The following CNTNAP5 variants were observed in gnomAD, a reference collection of about 807,000 sequenced individuals.
CNTNAP5 encodes the protein contactin-associated protein-like 5.
A neutral mutation model predicts 150.2 loss-of-function variants in CNTNAP5; 72 were observed. The observed-to-expected ratio is 0.48, with a 90% CI of 0.40 to 0.58. The LOEUF (loss-of-function observed/expected upper bound fraction) is 0.58. Ranked by LOEUF, CNTNAP5 falls within the 20% of genes least tolerant of loss-of-function variation. The probability of loss-of-function intolerance (pLI) is 0.00; values close to 1 mark genes in which losing one functional copy is unlikely to be tolerated. For missense variants in CNTNAP5, 1,636 were observed against 1,626.2 expected (o/e 1.01, Z -0.10); for synonymous variants, 672 against 619.8 (o/e 1.08, Z -1.25).
chr2:124,176,842 G>GTTTTTTTTT lies in CNTNAP5; in HGVS notation c.83-44851_83-44843dup, dbSNP rs71394026. On this transcript the variant is annotated intron_variant, in intron 1 of 23. Coordinates refer to ENST00000682447, the MANE Select transcript of CNTNAP5 (RefSeq NM_001367498.1). Reference sequence around the variant, plus strand: ...TCAGATAATGTCTTTGTTATTGCTGGTTTTTTTTTTTTTTTTTTTTACATG... The same window carrying GTTTTTTTTT: ...TCAGATAATGTCTTTGTTATTGCTGGTTTTTTTTTTTTTTTTTTTTTTTTTTTTTACATG... Among the ~76,000 whole-genome samples, 374 of 119,868 alleles carry GTTTTTTTTT rather than the reference G, an allele frequency of 3.1e-3. 18 individuals carry two copies. Among genetic ancestry groups the GTTTTTTTTT allele is most frequent in the Middle Eastern group, 9.9e-3 (2 of 202 alleles). The allele number at this position is 119,868 out of a possible 152,430, so 78.6% of individuals were successfully genotyped here.
chr2:124,862,399 C>T (rs1677544914), intron 19 of CNTNAP5, among the ~76,000 whole-genome samples: 2 of 152,186 alleles, frequency 1.3e-5, no homozygotes. Flanking sequence ...TGACAATTCA[C>T]TGTCTGTGGA....
rs1678760264 is a variant in CNTNAP5 at position 124,915,976 on chromosome 2, T to C, written c.*1688T>C. ...ACAATGACCACAGCTCTATTTGCCA[T>C]CCTTGACAGTTAGCAGACATTCCAA... On this transcript the variant is annotated 3_prime_UTR_variant, in exon 24 of 24. Transcript: ENST00000682447. Among the ~76,000 whole-genome samples the C allele has an allele frequency of 6.6e-6, 1 of 152,084 alleles. No individual in the cohort carries two copies. The highest frequency in any genetic ancestry group is 1.5e-5 in the Non-Finnish European group (1 of 67,980).
intron 5 of CNTNAP5, among the ~76,000 whole-genome samples, chr2:124,443,456 T>C (rs2104803015): frequency 6.6e-6 from 1 of 151,890 alleles, no homozygotes; most frequent in Middle Eastern, 3.4e-3. Flanking sequence ...ATTAAATGAG[T>C]AGAAATAAAG....
At chr2:124,512,674 C>T (rs746815161) in intron 8 of CNTNAP5, among the ~76,000 whole-genome samples, 92 of 152,216 alleles carry the variant, frequency 6.0e-4, no homozygotes, top group African/African-American at 2.0e-3. Context: ...TTCACTCTTT[C>T]GATAATTCCT....
intron 1 of CNTNAP5, among the ~76,000 whole-genome samples, chr2:124,076,185 T>A (rs191719899): frequency 7.2e-5 from 11 of 152,274 alleles, no homozygotes; most frequent in Non-Finnish European, 1.2e-4. Context: ...AGATTGAATC[T>A]CAAACCCTGA....
intron 13 of CNTNAP5, among the ~76,000 whole-genome samples, chr2:124,722,545 C>T (rs1376977421): frequency 6.6e-6 from 1 of 152,160 alleles, no homozygotes; most frequent in African/African-American, 2.4e-5. Context: ...TTCTTTTTGG[C>T]TTCATGCTCA....
At chr2:124,642,740 A>G (rs1678119395) in intron 12 of CNTNAP5, among the ~76,000 whole-genome samples, 1 of 152,228 alleles carries the variant, frequency 6.6e-6, no homozygotes, top group African/African-American at 2.4e-5. Flanking sequence ...GGAGAAGTTA[A>G]CATATTTTCC....
At chr2:124,445,898 G>C (rs1487948939) in intron 5 of CNTNAP5, among the ~76,000 whole-genome samples, 1 of 152,172 alleles carries the variant, frequency 6.6e-6, no homozygotes, top group Non-Finnish European at 1.5e-5. Flanking sequence ...GATATAAGCT[G>C]TAATCTTTTT....
chr2:124,563,976 G>A (rs10210893), intron 11 of CNTNAP5, among the ~76,000 whole-genome samples: 2,482 of 152,310 alleles, frequency 0.016, 66 homozygotes, highest in African/African-American at 0.056. Flanking sequence ...GTGCAATCTT[G>A]CCGTGGAATG....
At chr2:124,661,589 T>C (rs1342429611) in intron 13 of CNTNAP5, among the ~76,000 whole-genome samples, 1 of 151,914 alleles carries the variant, frequency 6.6e-6, no homozygotes, top group Non-Finnish European at 1.5e-5. Context: ...TAAGTAGAAA[T>C]GGTACACTCT....
intron 19 of CNTNAP5, among the ~76,000 whole-genome samples, chr2:124,848,163 A>G (rs1205115649): frequency 2.6e-5 from 4 of 152,088 alleles, no homozygotes; most frequent in African/African-American, 9.7e-5. Context: ...TGAAAATTTG[A>G]CCAACATCCT....
At chr2:124,367,099 A>G (rs1419882582) in intron 3 of CNTNAP5, among the ~76,000 whole-genome samples, 1 of 152,128 alleles carries the variant, frequency 6.6e-6, no homozygotes, top group East Asian at 1.9e-4. Context: ...GTTCAGAGTG[A>G]CCCTTAGTCT....
chr2:124,384,032 A>G (rs1217390096), intron 3 of CNTNAP5, among the ~76,000 whole-genome samples: 1 of 152,122 alleles, frequency 6.6e-6, no homozygotes, highest in Non-Finnish European at 1.5e-5. Context: ...TTATTGCCCC[A>G]TTAATCCGTG....
chr2:124,405,043 G>A (rs915072924), intron 3 of CNTNAP5, among the ~76,000 whole-genome samples: 13 of 151,948 alleles, frequency 8.6e-5, no homozygotes, highest in South Asian at 2.1e-4. Flanking sequence ...TGGGGGTGGC[G>A]GGTGGGGGCG....
chr2:124,517,059 G>A (rs1694735324), intron 8 of CNTNAP5, among the ~76,000 whole-genome samples: 1 of 152,178 alleles, frequency 6.6e-6, no homozygotes, highest in South Asian at 2.1e-4. Flanking sequence ...TGTAGTGTTG[G>A]TGATAGGGTT....
chr2:124,238,679 A>G (rs1686810581), intron 2 of CNTNAP5, among the ~76,000 whole-genome samples: 1 of 152,200 alleles, frequency 6.6e-6, no homozygotes, highest in South Asian at 2.1e-4. Context: ...AATTACAGAC[A>G]GCATTGCCTC....
In CNTNAP5 at chr2:124,039,073, A is replaced by G. The variant is rs114721927; in HGVS notation, c.82+13341A>G. Among the ~76,000 whole-genome samples the G allele has an allele frequency of 3.3e-3, 497 of 152,328 alleles. 3 individuals carry two copies. The highest frequency in any genetic ancestry group is 0.012 in the African/African-American group (480 of 41,576). On this transcript the variant is annotated intron_variant, in intron 1 of 23. Transcript: ENST00000682447. ...TCTGATATATCTTGCTACCATTCAT[A>G]TGAGTGTCAGGGCAAGACAATCTTA...
At chr2:124,126,861 C>A (rs1282905105) in intron 1 of CNTNAP5, among the ~76,000 whole-genome samples, 3 of 152,138 alleles carry the variant, frequency 2.0e-5, no homozygotes, top group African/African-American at 7.2e-5. Flanking sequence ...ATTCAACAAT[C>A]CTTCATGCTA....
At chr2:124,855,092 G>T (rs1039147681) in intron 19 of CNTNAP5, among the ~76,000 whole-genome samples, 1 of 150,862 alleles carries the variant, frequency 6.6e-6, no homozygotes, top group South Asian at 2.1e-4. Context: ...AAGTTGGAAA[G>T]GTAAGAAAGG....
Sources: gnomAD v4.1 joint callset for allele counts (sites outside exome capture counted in the v4.1 genomes callset) on GRCh38, gnomAD v4.1.1 for gene constraint, MANE v1.5 for transcripts, NCBI Gene and HGNC (gene_info 2026-07-23, HGNC 2026-07-21) for gene names.